TNS3: variants seen among roughly 807,000 people sequenced by gnomAD.
TNS3 encodes tensin-3.
A neutral mutation model predicts 140.9 loss-of-function variants in TNS3; 45 were observed. That is an observed-to-expected ratio of 0.32 (90% CI 0.25 to 0.41). The LOEUF (loss-of-function observed/expected upper bound fraction) is 0.41, where lower values mean the gene tolerates loss of function less well. Among genes scored for constraint, TNS3 ranks in the 10% least tolerant of loss-of-function variants. The pLI is 1.00. For missense variants in TNS3, 1,716 were observed against 1,906.7 expected (o/e 0.90, Z 1.86); for synonymous variants, 815 against 788.4 (o/e 1.03, Z -0.56).
At chr7:47,569,523 AAC>A (rs1487416420) in intron 1 of TNS3, among the ~76,000 whole-genome samples, 2 of 145,814 alleles carry the variant, frequency 1.4e-5, no homozygotes, top group Non-Finnish European at 3.0e-5. Context: ...CAGCCTGGGC[AAC>A]AGAGTGAGAT....
chr7:47,434,310 A>G lies in TNS3; in HGVS notation c.324+972T>C, dbSNP rs77940456. Among the ~76,000 whole-genome samples the G allele has an allele frequency of 1.5e-4, 9 of 58,096 alleles. No individual in the cohort carries two copies. In the East Asian group the frequency reaches 5.0e-3, roughly 32 times the overall value. 38.1% of individuals were successfully genotyped at this position (58,096 alleles called of 152,430 possible). On this transcript the variant is annotated intron_variant, in intron 8 of 30. Transcript: ENST00000311160. ...TTTTTAGTGTAAAAGAGTCCGGAAG[A>G]AAAAAAAAAAAAAAACTTCTATCTT...
At chr7:47,489,728 T>C (rs952687303) in intron 3 of TNS3, among the ~76,000 whole-genome samples, 1 of 152,234 alleles carries the variant, frequency 6.6e-6, no homozygotes, top group Non-Finnish European at 1.5e-5. Flanking sequence ...TGGAACAATG[T>C]CCAGGGGATT....
intron 8 of TNS3, among the ~76,000 whole-genome samples, chr7:47,429,468 C>T (rs952382807): frequency 5.3e-5 from 8 of 152,046 alleles, no homozygotes; most frequent in Non-Finnish European, 8.8e-5. Flanking sequence ...CCCGGGTTCA[C>T]GCCATTCTCC....
Position 47,439,625 on chromosome 7 carries a change from G to A in TNS3, c.12C>T (p.Gly4=), listed in dbSNP as rs773491585. 10 of 1,614,034 alleles carry A rather than the reference G, an allele frequency of 6.2e-6. No homozygotes were observed. Among genetic ancestry groups the A allele is most frequent in the South Asian group, 1.1e-5 (1 of 91,040 alleles). The change falls in exon 6 of 31, where the codon GGC becomes GGT. Residue 4 remains glycine, a synonymous_variant. Coordinates refer to ENST00000311160, the MANE Select transcript of TNS3 (RefSeq NM_022748.12). MEE[G]HGLDLTYITE... ...TGATGTAAGTGAGGTCCAGCCCATG[G>A]CCCTCCTCCATGGTGGGACTCAGGA...
intron 1 of TNS3, among the ~76,000 whole-genome samples, chr7:47,576,904 C>T (rs1030207502): frequency 6.6e-6 from 1 of 152,262 alleles, no homozygotes; most frequent in Admixed American, 6.5e-5. Context: ...CTGCAGACGG[C>T]AGTGAACGGC....
chr7:47,346,183 A>G lies in TNS3; in HGVS notation c.2451+4T>C. The stretch of plus-strand genomic sequence containing the variant: ...AGAAACTGGGACCTGGCTGTGGCAC[A>G]TACCTCTTTGACGTCCGCTGGTGAG... On this transcript the variant is annotated splice_donor_region_variant and intron_variant, in intron 18 of 30. Coordinates refer to ENST00000311160, the MANE Select transcript of TNS3 (RefSeq NM_022748.12). 1 of 1,613,758 alleles carries G rather than the reference A, an allele frequency of 6.2e-7. No individual in the cohort carries two copies. Among genetic ancestry groups the G allele is most frequent in the Non-Finnish European group, 8.5e-7 (1 of 1,179,700 alleles).
chr7:47,533,921 C>T (rs1048598758), intron 1 of TNS3, among the ~76,000 whole-genome samples: 1 of 152,062 alleles, frequency 6.6e-6, no homozygotes, highest in African/African-American at 2.4e-5. Flanking sequence ...GTATAAATTG[C>T]CCAGTCTTGG....
At chr7:47,369,908 A>G (rs1295186173) in intron 16 of TNS3, among the ~76,000 whole-genome samples, 1 of 152,230 alleles carries the variant, frequency 6.6e-6, no homozygotes, top group Non-Finnish European at 1.5e-5. Context: ...CTTTTGAATC[A>G]TCTTGCCTTT....
rs543659125 is a variant in TNS3, at chr7:47,321,295, G to T, written c.2651-16292C>A. ...GCAAGGGTCTCATTCTCAACCCACTGGTTTTCGGTGGTACCATTCTCCTTC... is the reference window on the plus strand; with the variant it reads ...GCAAGGGTCTCATTCTCAACCCACTTGTTTTCGGTGGTACCATTCTCCTTC... On this transcript the variant is annotated intron_variant, in intron 20 of 30. Transcript: ENST00000311160. Among the ~76,000 whole-genome samples, 59 of 152,314 alleles carry T rather than the reference G, an allele frequency of 3.9e-4. 1 individual carries two copies. Among genetic ancestry groups the T allele is most frequent in the African/African-American group, 1.4e-3 (57 of 41,572 alleles).
At chr7:47,485,869 G>A (rs1342074622) in intron 3 of TNS3, among the ~76,000 whole-genome samples, 1 of 152,224 alleles carries the variant, frequency 6.6e-6, no homozygotes, top group South Asian at 2.1e-4. Context: ...GGACAGAGGG[G>A]CAGAGGGACA....
chr7:47,281,415 C>A (rs1196391045), intron 28 of TNS3, among the ~76,000 whole-genome samples: 1 of 152,212 alleles, frequency 6.6e-6, no homozygotes, highest in Non-Finnish European at 1.5e-5. Context: ...TTTGGGGTCA[C>A]CCCTCTCCTT....
At chr7:47,320,627 G>A (rs762216526) in intron 20 of TNS3, among the ~76,000 whole-genome samples, 4 of 152,088 alleles carry the variant, frequency 2.6e-5, no homozygotes, top group African/African-American at 7.2e-5. Context: ...TGTCCTGATC[G>A]CCCCCTTCTA....
chr7:47,520,961 G>A (rs142458404), intron 2 of TNS3, among the ~76,000 whole-genome samples: 20 of 152,306 alleles, frequency 1.3e-4, no homozygotes, highest in East Asian at 9.6e-4. Flanking sequence ...AGAGAAGAGC[G>A]GATCAATGAG....
At chr7:47,568,468 G>A (rs1343261924) in intron 1 of TNS3, among the ~76,000 whole-genome samples, 4 of 152,144 alleles carry the variant, frequency 2.6e-5, no homozygotes, top group Non-Finnish European at 5.9e-5. Flanking sequence ...AGTTAGTGAG[G>A]GTTAAATGTA....
At chr7:47,471,489 T>C (rs750295799) in intron 4 of TNS3, among the ~76,000 whole-genome samples, 1 of 152,330 alleles carries the variant, frequency 6.6e-6, no homozygotes, top group Non-Finnish European at 1.5e-5. Context: ...ACTGACTTAG[T>C]GCCTGACTCC....
intron 28 of TNS3, among the ~76,000 whole-genome samples, chr7:47,281,160 A>G (rs1325752054): frequency 1.3e-5 from 2 of 152,202 alleles, no homozygotes; most frequent in Non-Finnish European, 2.9e-5. Flanking sequence ...TGAACAATAA[A>G]GTGCTGTGCA....
intron 24 of TNS3, among the ~76,000 whole-genome samples, chr7:47,294,070 T>G (rs146201326): frequency 6.6e-6 from 1 of 152,052 alleles, no homozygotes; most frequent in Non-Finnish European, 1.5e-5. Flanking sequence ...GCAATGACAG[T>G]GTGGGGGCTG....
rs755231920 is a variant in TNS3 at position 47,368,924 on chromosome 7, G to A, written c.1722C>T (p.Ala574=). The A allele has an allele frequency of 1.2e-6, 2 of 1,613,516 alleles. No individual in the cohort carries two copies. The highest frequency in any genetic ancestry group is 1.7e-6 in the Non-Finnish European group (2 of 1,179,748). ...QPLLRKPSVS[A]QMQAYGQSSY... is the part of the protein sequence containing the mutation. ...TGCTCTGCCCATAGGCCTGCATCTG[G>A]GCGGACACTGAGGGCTTTCTCAGCA... The change falls in exon 17 of 31, where the codon GCC becomes GCT. Residue 574 remains alanine, a synonymous_variant. Coordinates refer to ENST00000311160, the MANE Select transcript of TNS3 (RefSeq NM_022748.12).
intron 16 of TNS3, among the ~76,000 whole-genome samples, chr7:47,396,050 T>A (rs571682295): frequency 6.6e-6 from 1 of 152,332 alleles, no homozygotes; most frequent in East Asian, 1.9e-4. Context: ...CTATTTTACA[T>A]CTGGATGTAA....
Sources: allele counts gnomAD v4.1 joint callset (sites outside exome capture counted in the v4.1 genomes callset), GRCh38; gene constraint gnomAD v4.1.1; transcripts MANE v1.5; gene names NCBI Gene and HGNC (gene_info 2026-07-23, HGNC 2026-07-21).